Variants in PDE4D observed in about 807,000 individuals in gnomAD.
The protein encoded by PDE4D is 3',5'-cyclic-AMP phosphodiesterase 4D.
PDE4D carries 24 observed loss-of-function variants against 87.4 expected under a neutral mutation model. The observed-to-expected ratio is 0.27, with a 90% CI of 0.20 to 0.39. The LOEUF is 0.39. PDE4D is among the 10% of genes least tolerant of loss of function. The probability of loss-of-function intolerance (pLI) is 1.00; values close to 1 mark genes in which losing one functional copy is unlikely to be tolerated. For missense variants in PDE4D, 714 were observed against 1,041.0 expected (o/e 0.69, Z 4.32); for synonymous variants, 384 against 383.2 (o/e 1.00, Z -0.02).
At chr5:60,350,370 C>T (rs148808270) in intron 1 of PDE4D, among the ~76,000 whole-genome samples, 4 of 152,308 alleles carry the variant, frequency 2.6e-5, no homozygotes, top group African/African-American at 4.8e-5. Flanking sequence ...CTTTAACCTA[C>T]ATCCTTTCTC....
chr5:59,585,167 C>G (rs1338052253), intron 1 of PDE4D, among the ~76,000 whole-genome samples: 2 of 152,160 alleles, frequency 1.3e-5, no homozygotes, highest in African/African-American at 4.8e-5. Flanking sequence ...AGCATCGACT[C>G]TGGATGGATC....
intron 2 of PDE4D, among the ~76,000 whole-genome samples, chr5:60,042,621 T>C (rs1192609321): frequency 1.3e-5 from 2 of 152,146 alleles, no homozygotes; most frequent in East Asian, 3.9e-4. Flanking sequence ...TCTTTGCTGT[T>C]CTACAGCCTC....
chr5:59,252,877 A>C (rs1760246165), intron 1 of PDE4D, among the ~76,000 whole-genome samples: 1 of 152,140 alleles, frequency 6.6e-6, no homozygotes. Context: ...AGCAGATAGA[A>C]TAAGATCCAG....
intron 6 of PDE4D, among the ~76,000 whole-genome samples, chr5:59,011,873 T>C: frequency 6.6e-6 from 1 of 151,896 alleles, no homozygotes. Context: ...AAAGTTGAAA[T>C]GAAGGAAAAA....
At chr5:59,465,022 C>A (rs535658049) in intron 1 of PDE4D, among the ~76,000 whole-genome samples, 2 of 152,268 alleles carry the variant, frequency 1.3e-5, no homozygotes, top group Admixed American at 6.5e-5. Flanking sequence ...TCACACACAT[C>A]CATTAAGCTT....
chr5:59,751,703 G>A (rs1414620304), intron 1 of PDE4D, among the ~76,000 whole-genome samples: 7 of 151,542 alleles, frequency 4.6e-5, no homozygotes, highest in Admixed American at 4.6e-4. Flanking sequence ...CTTCCCTAGA[G>A]GCACTCAAAC....
intron 5 of PDE4D, among the ~76,000 whole-genome samples, chr5:59,090,772 A>T (rs1768561578): frequency 6.6e-6 from 1 of 150,810 alleles, no homozygotes; most frequent in African/African-American, 2.4e-5. Flanking sequence ...AGTGCTCCCA[A>T]GTATTATCAG....
At chr5:59,122,141 CAAAAAAAAAAAAA>C (rs56284898) in intron 5 of PDE4D, among the ~76,000 whole-genome samples, 3 of 71,594 alleles carry the variant, frequency 4.2e-5, no homozygotes, top group African/African-American at 1.7e-4. Context: ...GACTCTATCT[CAAAAAAAAAAAAA>C]AAAAAAAAAA....
intron 5 of PDE4D, among the ~76,000 whole-genome samples, chr5:59,051,963 T>TTC (rs1199218310): frequency 2.0e-5 from 3 of 152,112 alleles, no homozygotes; most frequent in African/African-American, 7.2e-5. Flanking sequence ...TCTCTCTTTT[T>TTC]CCCCCTGAAA....
chr5:60,246,810 T>C (rs911906690), intron 1 of PDE4D, among the ~76,000 whole-genome samples: 6 of 152,000 alleles, frequency 3.9e-5, no homozygotes, highest in African/African-American at 4.8e-5. Flanking sequence ...TTTGAGGTTG[T>C]GAGTTAATCT....
Position 60,089,859 on chromosome 5 carries a change from C to CA in PDE4D, c.42+95697dup, listed in dbSNP as rs113152852. ...TATTACAACTGATACTACAGAAATA[C>CA]AAAAAAAAAAGCAACAGACAAGATT... On this transcript the variant is annotated intron_variant, in intron 2 of 16. Transcript: ENST00000502484. 8.2e-3 allele frequency among the ~76,000 whole-genome samples: 1,144 copies of CA among 139,300 alleles called. 10 individuals carry two copies. The highest frequency in any genetic ancestry group is 0.027 in the African/African-American group (1,032 of 38,256). 91.4% of individuals were successfully genotyped at this position (139,300 alleles called of 152,430 possible).
intron 5 of PDE4D, among the ~76,000 whole-genome samples, chr5:59,068,223 T>C (rs1311150967): frequency 2.6e-5 from 4 of 152,204 alleles, no homozygotes; most frequent in Non-Finnish European, 5.9e-5. Context: ...TCCCAGAGGA[T>C]ATAGATTTCA....
intron 3 of PDE4D, among the ~76,000 whole-genome samples, chr5:59,964,949 A>G (rs1759862185): frequency 1.3e-5 from 2 of 152,018 alleles, no homozygotes; most frequent in South Asian, 4.1e-4. Context: ...TGATTATACC[A>G]TGCTCTATTT....
At chr5:59,828,224 G>T (rs1298896143) in intron 1 of PDE4D, among the ~76,000 whole-genome samples, 4 of 151,848 alleles carry the variant, frequency 2.6e-5, no homozygotes, top group Non-Finnish European at 5.9e-5. Context: ...TCTAGAAATA[G>T]AGCAAAATGG....
chr5:59,630,898 A>G (rs1579994957), intron 1 of PDE4D, among the ~76,000 whole-genome samples: 1 of 152,224 alleles, frequency 6.6e-6, no homozygotes, highest in Non-Finnish European at 1.5e-5. Context: ...TGGCTGAGTC[A>G]CTTAATATTC....
intron 2 of PDE4D, among the ~76,000 whole-genome samples, chr5:60,015,449 T>C (rs1508865): frequency 1 from 151,554 of 152,250 alleles, 75,460 homozygotes; most frequent in Middle Eastern, 1. Context: ...ACTCCTGAGC[T>C]CAGGTCTGAC....
At chr5:59,128,030 GTGT>G (rs1775732320) in intron 5 of PDE4D, among the ~76,000 whole-genome samples, 1 of 112,714 alleles carries the variant, frequency 8.9e-6, no homozygotes, top group African/African-American at 3.8e-5. Flanking sequence ...GTGTGTGTGT[GTGT>G]GTGTGTGTGT....
rs7710055 is a variant in PDE4D, at chr5:59,532,381, G to A, written c.456-316413C>T. Among the ~76,000 whole-genome samples, 985 of 152,136 alleles carry A rather than the reference G, an allele frequency of 6.5e-3. 8 individuals are homozygous for A. Among genetic ancestry groups the A allele is most frequent in the African/African-American group, 0.023 (954 of 41,510 alleles). On this transcript the variant is annotated intron_variant, in intron 1 of 14. Coordinates refer to ENST00000340635, the MANE Select transcript of PDE4D (RefSeq NM_001104631.2). ...TTGAACTCCTGACCTCAGGGGATCTGCCTGCCTCAGCCTCCCAAAGTGTTG... is the reference window on the plus strand; with the variant it reads ...TTGAACTCCTGACCTCAGGGGATCTACCTGCCTCAGCCTCCCAAAGTGTTG...
At chr5:59,843,335 T>C (rs1743326385) in intron 1 of PDE4D, among the ~76,000 whole-genome samples, 1 of 152,020 alleles carries the variant, frequency 6.6e-6, no homozygotes, top group Non-Finnish European at 1.5e-5. Flanking sequence ...TTTTCAGTTT[T>C]TGGAGCAAGA....
Sources: allele counts gnomAD v4.1 joint callset (sites outside exome capture counted in the v4.1 genomes callset), GRCh38; gene constraint gnomAD v4.1.1; transcripts MANE v1.5; gene names NCBI Gene and HGNC (gene_info 2026-07-23, HGNC 2026-07-21).